The following FAM13A variants were observed in gnomAD, a reference collection of about 807,000 sequenced individuals.
FAM13A encodes the protein protein FAM13A.
FAM13A carries 76 observed loss-of-function variants against 129.6 expected under a neutral mutation model. The ratio of observed to expected loss-of-function variants is 0.59; its 90% CI spans 0.49 to 0.71. The LOEUF (loss-of-function observed/expected upper bound fraction) is 0.71. Ranked by LOEUF, FAM13A falls within the 30% of genes least tolerant of loss-of-function variation. The pLI is 0.00. For synonymous variants in FAM13A, 443 were observed against 449.9 expected (o/e 0.98, Z 0.20); for missense variants, 1,108 against 1,249.3 (o/e 0.89, Z 1.70).
chr4:88,959,409 T>A (rs533390808), intron 4 of FAM13A, among the ~76,000 whole-genome samples: 10 of 152,338 alleles, frequency 6.6e-5, no homozygotes, highest in African/African-American at 1.9e-4. Flanking sequence ...CCCTTGGTGA[T>A]GAGTGAACTC....
chr4:88,822,972 C>T, intron 7 of FAM13A: 1 of 1,612,546 alleles, frequency 6.2e-7, no homozygotes, highest in Non-Finnish European at 8.5e-7. Flanking sequence ...TAGGAAAATA[C>T]TACCTTTGCA....
chr4:88,836,975 T>C (rs76864710), intron 7 of FAM13A, among the ~76,000 whole-genome samples: 1 of 151,454 alleles, frequency 6.6e-6, no homozygotes, highest in African/African-American at 2.4e-5. Flanking sequence ...AAAAAAAAAT[T>C]ATGTTAAAAT....
intron 5 of FAM13A, among the ~76,000 whole-genome samples, chr4:88,927,503 G>C (rs1196720768): frequency 6.9e-6 from 1 of 145,838 alleles, no homozygotes; most frequent in Non-Finnish European, 1.5e-5. Context: ...TTTTCTCTTG[G>C]TAGAATTTTT....
chr4:89,048,632 G>T lies in FAM13A; in HGVS notation c.27+8306C>A, dbSNP rs565953503. 2.0e-5 allele frequency among the ~76,000 whole-genome samples: 3 copies of T among 152,252 alleles called. No individual in the cohort carries two copies. The South Asian group carries it at 6.2e-4, about 32-fold the overall frequency. ...AAAACAGAAAAGAAAGTCAACAAGTGCTTGGTAACTTCCCGTCAAAATAAG... is the reference window on the plus strand; with the variant it reads ...AAAACAGAAAAGAAAGTCAACAAGTTCTTGGTAACTTCCCGTCAAAATAAG... On this transcript the variant is annotated intron_variant, in intron 1 of 23. Coordinates refer to ENST00000264344, the MANE Select transcript of FAM13A (RefSeq NM_014883.4).
intron 8 of FAM13A, among the ~76,000 whole-genome samples, 175 bp from the exon 9 acceptor site, chr4:88,790,802 G>C (rs1724976268): frequency 6.6e-6 from 1 of 152,148 alleles, no homozygotes; most frequent in African/African-American, 2.4e-5. Flanking sequence ...TAGAAATGGA[G>C]ATGGCCCTGC....
At chr4:89,005,115 G>A (rs1174528066) in intron 3 of FAM13A, among the ~76,000 whole-genome samples, 1 of 151,716 alleles carries the variant, frequency 6.6e-6, no homozygotes, top group Non-Finnish European at 1.5e-5. Context: ...ACTTCTTTGT[G>A]TTCATAAGTT....
At chr4:88,990,752 T>G in intron 4 of FAM13A, 1 of 419,276 alleles carries the variant, frequency 2.4e-6, no homozygotes, top group Non-Finnish European at 4.2e-6. Flanking sequence ...TAAGGCTATT[T>G]GATTTATTGC....
chr4:88,879,465 C>T (rs1743166584), intron 6 of FAM13A, among the ~76,000 whole-genome samples: 1 of 152,082 alleles, frequency 6.6e-6, no homozygotes, highest in Non-Finnish European at 1.5e-5. Flanking sequence ...ACTAGTCTCT[C>T]TAAGCCTGCT....
intron 7 of FAM13A, among the ~76,000 whole-genome samples, chr4:88,807,874 T>A (rs1728893611): frequency 6.6e-6 from 1 of 152,192 alleles, no homozygotes; most frequent in South Asian, 2.1e-4. Context: ...AGTAAATTCA[T>A]CAATGAAAGA....
intron 1 of FAM13A, among the ~76,000 whole-genome samples, chr4:89,049,129 G>A (rs1771229669): frequency 6.6e-6 from 1 of 152,150 alleles, no homozygotes; most frequent in Non-Finnish European, 1.5e-5. Context: ...TGGGTGCAGT[G>A]GCTCATGCCT....
chr4:89,033,249 T>C (rs1768937937), intron 1 of FAM13A, among the ~76,000 whole-genome samples: 1 of 152,042 alleles, frequency 6.6e-6, no homozygotes. Flanking sequence ...AAAATGATAA[T>C]GACAGTGAAC....
At chr4:88,988,365 T>C (rs1762528667) in intron 4 of FAM13A, among the ~76,000 whole-genome samples, 1 of 152,184 alleles carries the variant, frequency 6.6e-6, no homozygotes, top group South Asian at 2.1e-4. Context: ...GATACTTGAA[T>C]GGACTCTCCA....
At chr4:88,868,294 C>T (rs953148083) in intron 6 of FAM13A, among the ~76,000 whole-genome samples, 1 of 152,176 alleles carries the variant, frequency 6.6e-6, no homozygotes, top group South Asian at 2.1e-4. Context: ...TCCCAGTCAT[C>T]GAGTAAGTGC....
At chr4:88,947,354 A>G (rs2148858771) in intron 4 of FAM13A, among the ~76,000 whole-genome samples, 1 of 152,338 alleles carries the variant, frequency 6.6e-6, no homozygotes, top group African/African-American at 2.4e-5. Flanking sequence ...GACTGCAGTG[A>G]GCTATGATCG....
At chr4:88,855,738 C>T (rs897844754) in intron 6 of FAM13A, 4 of 151,170 alleles carry the variant, frequency 2.6e-5, no homozygotes, top group Non-Finnish European at 5.9e-5. Flanking sequence ...ATACCAGGCA[C>T]TAATTAACCC....
chr4:88,783,040 T>C (rs754218196), intron 10 of FAM13A, among the ~76,000 whole-genome samples: 15 of 152,184 alleles, frequency 9.9e-5, no homozygotes, highest in Non-Finnish European at 2.2e-4. Flanking sequence ...GTACATGAGA[T>C]ATTTTGATAC....
chr4:89,028,317 A>C (rs1431088269), intron 2 of FAM13A, among the ~76,000 whole-genome samples: 1 of 152,092 alleles, frequency 6.6e-6, no homozygotes. Flanking sequence ...AACCTTAGAA[A>C]ACCAAACCAT....
At chr4:88,885,818 A>G (rs1744310127) in intron 6 of FAM13A, among the ~76,000 whole-genome samples, 1 of 152,100 alleles carries the variant, frequency 6.6e-6, no homozygotes, top group Admixed American at 6.6e-5. Context: ...CAAAAAAAAA[A>G]AAAAATCACA....
intron 3 of FAM13A, among the ~76,000 whole-genome samples, chr4:89,002,102 T>C (rs1401421531): frequency 6.6e-6 from 1 of 150,426 alleles, no homozygotes; most frequent in African/African-American, 2.4e-5. Context: ...CGATTATATG[T>C]GTTTATCTAG....
Sources: allele counts gnomAD v4.1 joint callset (sites outside exome capture counted in the v4.1 genomes callset), GRCh38; gene constraint gnomAD v4.1.1; transcripts MANE v1.5; gene names NCBI Gene and HGNC (gene_info 2026-07-23, HGNC 2026-07-21).